Variants in SMARCC1 observed in about 807,000 individuals in gnomAD.
SMARCC1 encodes SWI/SNF related BAF chromatin remodeling complex subunit C1.
SMARCC1 carries 43 observed loss-of-function variants against 147.4 expected under a neutral mutation model. The ratio of observed to expected loss-of-function variants is 0.29; its 90% CI spans 0.23 to 0.38. The LOEUF (loss-of-function observed/expected upper bound fraction) is 0.38, where lower values mean the gene tolerates loss of function less well. Among genes scored for constraint, SMARCC1 ranks in the 10% least tolerant of loss-of-function variants. The probability of loss-of-function intolerance (pLI) is 1.00; values close to 1 mark genes in which losing one functional copy is unlikely to be tolerated. For missense variants in SMARCC1, 1,119 were observed against 1,381.1 expected (o/e 0.81, Z 3.01); for synonymous variants, 495 against 484.4 (o/e 1.02, Z -0.29).
At chr3:47,650,031 C>T (rs1226722484) in intron 21 of SMARCC1, among the ~76,000 whole-genome samples, 3 of 152,076 alleles carry the variant, frequency 2.0e-5, no homozygotes, top group African/African-American at 7.2e-5. Context: ...AATCCCAGCA[C>T]TTTGGGAGGC....
At chr3:47,609,994 G>A (rs41290664) in intron 26 of SMARCC1, 72 bp downstream of exon 26, 869 of 1,507,366 alleles carry the variant, frequency 5.8e-4, no homozygotes, top group Non-Finnish European at 7.6e-4. Context: ...CAACTGTGTG[G>A]TTGGCCCCAA....
chr3:47,669,964 T>C (rs1331342455), intron 19 of SMARCC1, among the ~76,000 whole-genome samples: 4 of 152,246 alleles, frequency 2.6e-5, no homozygotes, highest in African/African-American at 7.2e-5. Flanking sequence ...TTTTTCATTA[T>C]GTTGACATTT....
At chr3:47,633,777 TATACACAC>T (rs1380180724) in intron 24 of SMARCC1, among the ~76,000 whole-genome samples, 18 of 46,522 alleles carry the variant, frequency 3.9e-4, no homozygotes, top group African/African-American at 1.5e-3. Flanking sequence ...TATATATATA[TATACACAC>T]ACACACACAC....
At chr3:47,594,752 G>A (rs2032243106) in intron 26 of SMARCC1, among the ~76,000 whole-genome samples, 1 of 152,184 alleles carries the variant, frequency 6.6e-6, no homozygotes, top group Admixed American at 6.5e-5. Context: ...AAACACCTGG[G>A]ACAGCAGGGA....
At chr3:47,671,434 A>C (rs1457857182) in intron 18 of SMARCC1, among the ~76,000 whole-genome samples, 1 of 152,124 alleles carries the variant, frequency 6.6e-6, no homozygotes, top group African/African-American at 2.4e-5. Flanking sequence ...TGTACTACAC[A>C]CGTAAAACAC....
chr3:47,642,574 G>A (rs1200338838), intron 21 of SMARCC1, among the ~76,000 whole-genome samples: 1 of 149,206 alleles, frequency 6.7e-6, no homozygotes, highest in Non-Finnish European at 1.5e-5. Flanking sequence ...TGGGCAAAAG[G>A]GCGAGACTTT....
intron 18 of SMARCC1, among the ~76,000 whole-genome samples, chr3:47,671,443 A>G (rs1287870757): frequency 1.3e-5 from 2 of 152,166 alleles, no homozygotes; most frequent in Non-Finnish European, 2.9e-5. Flanking sequence ...CACGTAAAAC[A>G]CTGACAGGTT....
At chr3:47,650,426 C>T (rs1045521117) in intron 21 of SMARCC1, among the ~76,000 whole-genome samples, 10 of 151,734 alleles carry the variant, frequency 6.6e-5, no homozygotes, top group Admixed American at 4.6e-4. Context: ...TCAATGTTTG[C>T]TGTAAGTAAA....
At chr3:47,648,577 C>T (rs965137928) in intron 21 of SMARCC1, among the ~76,000 whole-genome samples, 15 of 151,720 alleles carry the variant, frequency 9.9e-5, no homozygotes, top group African/African-American at 1.7e-4. Flanking sequence ...TTTGTAGAGA[C>T]GAGGTCTCAC....
At chr3:47,660,005 A>G (rs1476468738) in intron 21 of SMARCC1, among the ~76,000 whole-genome samples, 1 of 152,198 alleles carries the variant, frequency 6.6e-6, no homozygotes, top group African/African-American at 2.4e-5. Flanking sequence ...ACAGGCTGGC[A>G]GTTTCTCAAA....
chr3:47,597,692 G>A (rs2032313224), intron 26 of SMARCC1, among the ~76,000 whole-genome samples: 1 of 152,296 alleles, frequency 6.6e-6, no homozygotes, highest in Non-Finnish European at 1.5e-5. Flanking sequence ...CAAACTCCTA[G>A]GCTCAATGAT....
At chr3:47,760,498 C>T (rs1214727931) in intron 2 of SMARCC1, among the ~76,000 whole-genome samples, 1 of 151,882 alleles carries the variant, frequency 6.6e-6, no homozygotes, top group Non-Finnish European at 1.5e-5. Context: ...CCAGTTTCTA[C>T]TAAAAATACA....
chr3:47,781,723 G>C lies in SMARCC1; in HGVS notation c.75C>G (p.Ala25=), dbSNP rs916008426. The C allele has an allele frequency of 6.4e-7, 1 of 1,553,198 alleles. No individual in the cohort carries two copies. The highest frequency in any genetic ancestry group is 8.7e-7 in the Non-Finnish European group (1 of 1,154,892). The change falls in exon 1 of 28, where the codon GCC becomes GCG. Residue 25 remains alanine, a synonymous_variant. Coordinates refer to ENST00000254480, the MANE Select transcript of SMARCC1 (RefSeq NM_003074.4). ...GATGSGIAAA[A]AGLAVYRRKD... ...TCCGTCGATAAACAGCTAGGCCTGC[G>C]GCTGCCGCCGCAATCCCCGAGCCCG...
chr3:47,692,936 T>G (rs2033807968), intron 12 of SMARCC1, among the ~76,000 whole-genome samples: 1 of 151,870 alleles, frequency 6.6e-6, no homozygotes, highest in African/African-American at 2.4e-5. Context: ...GAGAATCACT[T>G]AAACCCAGGA....
At chr3:47,676,524 A>C (rs1417895174) in intron 17 of SMARCC1, 105 bp downstream of exon 17, 1 of 796,830 alleles carries the variant, frequency 1.3e-6, no homozygotes, top group East Asian at 2.7e-5. Flanking sequence ...AAGAAATAGC[A>C]CTAATAATAG....
At chr3:47,595,390 G>A (rs978404325) in intron 26 of SMARCC1, among the ~76,000 whole-genome samples, 6 of 151,990 alleles carry the variant, frequency 3.9e-5, no homozygotes, top group South Asian at 4.2e-4. Flanking sequence ...AGCGAGATGC[G>A]GTGGTGGGCA....
At chr3:47,614,522 T>C (rs1241389736) in intron 25 of SMARCC1, among the ~76,000 whole-genome samples, 1 of 152,222 alleles carries the variant, frequency 6.6e-6, no homozygotes, top group Non-Finnish European at 1.5e-5. Context: ...TTTTTTGCTG[T>C]TCTTTCTTCC....
chr3:47,763,640 ATTT>A (rs573413582), intron 2 of SMARCC1, among the ~76,000 whole-genome samples: 5 of 148,614 alleles, frequency 3.4e-5, no homozygotes, highest in Non-Finnish European at 7.5e-5. Flanking sequence ...CCCAGCTGAG[ATTT>A]TTTTTTTAAG....
chr3:47,686,232 T>A, intron 13 of SMARCC1, 62 bp from the exon 14 acceptor site: 1 of 1,291,310 alleles, frequency 7.7e-7, no homozygotes, highest in Non-Finnish European at 1.1e-6. Context: ...ATATATAACA[T>A]CTCTTACACT....
Sources: gnomAD v4.1 joint callset for allele counts (sites outside exome capture counted in the v4.1 genomes callset) on GRCh38, gnomAD v4.1.1 for gene constraint, MANE v1.5 for transcripts, NCBI Gene and HGNC (gene_info 2026-07-23, HGNC 2026-07-21) for gene names.